Variants in TUBGCP4 observed in about 807,000 individuals in gnomAD.
The protein encoded by TUBGCP4 is tubulin gamma complex component 4, also known as gamma-tubulin complex component 4.
Under a neutral mutation model 91.6 loss-of-function variants are expected in TUBGCP4, and 54 were observed. The observed-to-expected ratio is 0.59, with a 90% confidence interval of 0.47 to 0.74. TUBGCP4 has a LOEUF of 0.74. TUBGCP4 is among the 30% of genes least tolerant of loss of function. The probability of loss-of-function intolerance (pLI) is 0.00; values close to 1 mark genes in which losing one functional copy is unlikely to be tolerated. For missense variants in TUBGCP4, 593 were observed against 800.9 expected, an observed-to-expected ratio of 0.74 and a Z score of 3.13; for synonymous variants, 297 against 302.8, an observed-to-expected ratio of 0.98 and a Z score of 0.20.
intron 6 of TUBGCP4, among the ~76,000 whole-genome samples, chr15:43,382,170 C>G (rs920731113): frequency 6.6e-6 from 1 of 151,012 alleles, no homozygotes; most frequent in Non-Finnish European, 1.5e-5. Context: ...CATGATCGTG[C>G]TACAGCACTC....
In TUBGCP4 at chr15:43,406,789, G is replaced by A; in HGVS notation, c.*1575G>A. 1 of 353,264 alleles carries A rather than the reference G, an allele frequency of 2.8e-6. No homozygotes were observed. 21.9% of individuals were successfully genotyped at this position (353,264 alleles called of 1,614,324 possible). A position where few individuals can be genotyped will look rare whatever the true frequency, so the allele number is the denominator to read the frequency against. ...TGCTTCCCATGTTTATCTTACGGAA[G>A]GTCATTCCATCAAGCTTATGGTCAC... On this transcript the variant is annotated 3_prime_UTR_variant, in exon 18 of 18. Coordinates refer to ENST00000564079, the MANE Select transcript of TUBGCP4 (RefSeq NM_014444.5).
intron 7 of TUBGCP4, 33 bp from the exon 8 acceptor site, chr15:43,385,758 C>T: frequency 6.2e-7 from 1 of 1,610,482 alleles, no homozygotes; most frequent in Non-Finnish European, 8.5e-7. Flanking sequence ...TTGCTTCACA[C>T]TGCATCTCGA....
intron 12 of TUBGCP4, 47 bp from the exon 13 acceptor site, chr15:43,397,994 A>G: frequency 6.4e-7 from 1 of 1,573,990 alleles, no homozygotes; most frequent in South Asian, 1.2e-5. Context: ...GTTCTAGATT[A>G]ACCAAGTTGT....
At chr15:43,379,160 T>A (rs921445838) in intron 5 of TUBGCP4, among the ~76,000 whole-genome samples, 7 of 152,146 alleles carry the variant, frequency 4.6e-5, no homozygotes, top group African/African-American at 1.7e-4. Context: ...TGGTCAAAAT[T>A]CTAGGTTTGG....
At chr15:43,373,443 T>G (rs2044154041) in intron 1 of TUBGCP4, among the ~76,000 whole-genome samples, 2 of 152,242 alleles carry the variant, frequency 1.3e-5, no homozygotes, top group Non-Finnish European at 1.5e-5. Context: ...ATAAAATTGC[T>G]TATGTGTATT....
At chr15:43,404,867 G>A in intron 17 of TUBGCP4, 2 of 482,568 alleles carry the variant, frequency 4.1e-6, no homozygotes, top group South Asian at 5.6e-5. Flanking sequence ...GCAGCCGTGG[G>A]CACCCCGCCT....
intron 1 of TUBGCP4, 89 bp downstream of exon 1, chr15:43,371,521 G>A (rs1324181993): frequency 3.7e-6 from 5 of 1,360,096 alleles, no homozygotes; most frequent in Admixed American, 1.9e-5. Flanking sequence ...GGGACCTAGC[G>A]AGCGGGGCTT....
At chr15:43,399,215 C>T (rs868811521) in intron 13 of TUBGCP4, 22 of 1,131,336 alleles carry the variant, frequency 1.9e-5, no homozygotes, top group Middle Eastern at 2.4e-4. Context: ...CTGTTCTTCC[C>T]GTGTGTCTTT....
chr15:43,372,178 A>G (rs547000270), intron 1 of TUBGCP4, among the ~76,000 whole-genome samples: 41 of 152,258 alleles, frequency 2.7e-4, no homozygotes, highest in Middle Eastern at 3.4e-3. Context: ...CCACTTAGGT[A>G]TTGTTTCTAC....
Position 43,407,335 on chromosome 15 carries a change from C to T in TUBGCP4, c.*2121C>T, listed in dbSNP as rs1238252596. The T allele has an allele frequency of 1.9e-6, 3 of 1,564,870 alleles. No homozygotes were observed. The highest frequency in any genetic ancestry group is 4.5e-5 in the East Asian group (2 of 44,452). ...AGACACATTTAAAACCTGGTTAAAA[C>T]ACAATCTCCACGATAGCAGGGAATA... On this transcript the variant is annotated 3_prime_UTR_variant, in exon 18 of 18. Transcript: ENST00000564079.
rs568629725 is a variant in TUBGCP4, at chr15:43,405,388, A to G, written c.*174A>G. The G allele has an allele frequency of 4.9e-5, 33 of 673,270 alleles. No individual in the cohort carries two copies. In the African/African-American group the frequency reaches 5.8e-4, roughly 12 times the overall value. 41.7% of individuals were successfully genotyped at this position (673,270 alleles called of 1,614,324 possible). A position where few individuals can be genotyped will look rare whatever the true frequency, so the allele number is the denominator to read the frequency against. The stretch of plus-strand genomic sequence containing the variant: ...TCCAGGAGTACAACTCCTTCCCATC[A>G]TTCCCATGTGGAAGGGTCTCTCCCA... On this transcript the variant is annotated 3_prime_UTR_variant, in exon 18 of 18. Transcript: ENST00000564079.
chr15:43,379,614 G>A (rs1197516952), intron 5 of TUBGCP4, among the ~76,000 whole-genome samples: 2 of 149,062 alleles, frequency 1.3e-5, no homozygotes, highest in Non-Finnish European at 3.0e-5. Flanking sequence ...GCACTCCAGC[G>A]TGGGCGACAG....
intron 9 of TUBGCP4, among the ~76,000 whole-genome samples, chr15:43,393,877 C>A (rs571954853): frequency 3.9e-5 from 6 of 152,148 alleles, no homozygotes; most frequent in Non-Finnish European, 7.3e-5. Context: ...CTCTGCCCAC[C>A]TTGGCCTCCC....
At chr15:43,399,726 G>A (rs1335907548) in intron 13 of TUBGCP4, among the ~76,000 whole-genome samples, 2 of 152,164 alleles carry the variant, frequency 1.3e-5, no homozygotes, top group Non-Finnish European at 2.9e-5. Context: ...TTTTGAATAT[G>A]AGAAGCAACA....
At chr15:43,376,293 G>C (rs2044204164) in intron 2 of TUBGCP4, 67 bp downstream of exon 2, 1 of 1,608,424 alleles carries the variant, frequency 6.2e-7, no homozygotes, top group Non-Finnish European at 8.5e-7. Flanking sequence ...TTCACCTCTA[G>C]AGGGCAGGAG....
At chr15:43,389,304 A>C (rs1253479883) in intron 9 of TUBGCP4, among the ~76,000 whole-genome samples, 1 of 152,222 alleles carries the variant, frequency 6.6e-6, no homozygotes, top group Non-Finnish European at 1.5e-5. Flanking sequence ...CAACGTGTTG[A>C]ACTCTTTTTA....
Position 43,407,889 on chromosome 15 carries a change from A to G in TUBGCP4, c.*2675A>G, listed in dbSNP as rs2044966737. On this transcript the variant is annotated 3_prime_UTR_variant, in exon 18 of 18. Transcript: ENST00000564079. ...CCTTGGACCACAAGGCCTAACACCTACAGGTCTAAGGAGATCCCTGGAACA... is the reference window on the plus strand; with the variant it reads ...CCTTGGACCACAAGGCCTAACACCTGCAGGTCTAAGGAGATCCCTGGAACA... 1 of 1,539,056 alleles carries G rather than the reference A, an allele frequency of 6.5e-7. No homozygotes were observed.
intron 5 of TUBGCP4, among the ~76,000 whole-genome samples, chr15:43,378,558 TA>T (rs1247672313): frequency 5.3e-5 from 8 of 152,188 alleles, no homozygotes; most frequent in African/African-American, 1.9e-4. Flanking sequence ...CTTAGCTTAT[TA>T]GGGGTGTTCA....
At chr15:43,399,879 C>T (rs991452476) in intron 13 of TUBGCP4, among the ~76,000 whole-genome samples, 165 bp from the exon 14 acceptor site, 2 of 152,036 alleles carry the variant, frequency 1.3e-5, no homozygotes, top group African/African-American at 4.8e-5. Context: ...TATAATATTC[C>T]ATTGTATAAA....
Sources: gnomAD v4.1 joint callset for allele counts (sites outside exome capture counted in the v4.1 genomes callset) on GRCh38, gnomAD v4.1.1 for gene constraint, MANE v1.5 for transcripts, NCBI Gene and HGNC (gene_info 2026-07-23, HGNC 2026-07-21) for gene names.